Variants in FAT2 observed in about 807,000 individuals in gnomAD.
FAT2 encodes the protein protocadherin Fat 2.
In FAT2, 150 loss-of-function variants were observed where a neutral mutation model predicts 295.3. The ratio of observed to expected loss-of-function variants is 0.51; its 90% CI spans 0.44 to 0.58. The LOEUF is 0.58. Among genes scored for constraint, FAT2 ranks in the 20% least tolerant of loss-of-function variants. The pLI is 0.00. For synonymous variants in FAT2, 2,026 were observed against 2,150.3 expected (o/e 0.94, Z 1.60); for missense variants, 4,868 against 5,442.7 (o/e 0.89, Z 3.32).
intron 21 of FAT2, chr5:151,511,245 G>A (rs1267579057): frequency 6.6e-6 from 1 of 152,180 alleles, no homozygotes; most frequent in Non-Finnish European, 1.5e-5. Context: ...AGAAAAAGGG[G>A]TAATGCGAAG....
At chr5:151,534,196 C>T (rs976465428) in intron 13 of FAT2, among the ~76,000 whole-genome samples, 15 of 152,118 alleles carry the variant, frequency 9.9e-5, no homozygotes, top group African/African-American at 2.7e-4. Context: ...GCTGAAATAC[C>T]TTTTTCCTGC....
intron 1 of FAT2, among the ~76,000 whole-genome samples, chr5:151,586,523 T>C (rs748310330): frequency 6.6e-6 from 1 of 152,168 alleles, no homozygotes; most frequent in African/African-American, 2.4e-5. Flanking sequence ...AGTGGTGGAA[T>C]ATCAGGCACT....
At chr5:151,577,518 A>G (rs932269083) in intron 1 of FAT2, among the ~76,000 whole-genome samples, 12 of 152,192 alleles carry the variant, frequency 7.9e-5, no homozygotes, top group Non-Finnish European at 1.2e-4. Flanking sequence ...GAAAAGCGAT[A>G]TAAAGAAACG....
chr5:151,519,790 G>C (rs1221834814), intron 19 of FAT2, among the ~76,000 whole-genome samples: 7 of 151,952 alleles, frequency 4.6e-5, no homozygotes, highest in Non-Finnish European at 8.8e-5. Context: ...AACTGATTCT[G>C]GTGATCCATG....
chr5:151,551,734 G>T, intron 6 of FAT2, 128 bp from the exon 7 acceptor site: 1 of 867,398 alleles, frequency 1.2e-6, no homozygotes, highest in Non-Finnish European at 1.7e-6. Flanking sequence ...CTGAGTGACA[G>T]GTTGTAGTTT....
Position 151,543,622 on chromosome 5 carries a change from T to C in FAT2, c.7505A>G (p.Asp2502Gly). 1 of 1,614,178 alleles carries C rather than the reference T, an allele frequency of 6.2e-7. No homozygotes were observed. Among genetic ancestry groups the C allele is most frequent in the Non-Finnish European group, 8.5e-7 (1 of 1,180,034 alleles). The change falls in exon 10 of 24, where the codon GAT (aspartate) becomes GGT (glycine). Residue 2502 changes from aspartate (D) to glycine (G), a missense_variant. Transcript: ENST00000261800. ...ACTATCTTTGTCTATGGCTAGCAAA[T>C]CAATCACCTTGGTTCCAACCATTGC... ...ENAMVGTKVI[D>G]LLAIDKDSGP... is the part of the protein sequence containing the mutation.
rs1372143484 is a variant in FAT2, at chr5:151,544,856, G to T, written c.6271C>A (p.Gln2091Lys). 1.2e-6 allele frequency: 2 copies of T among 1,614,210 alleles called. No individual in the cohort carries two copies. The highest frequency in any genetic ancestry group is 1.7e-6 in the Non-Finnish European group (2 of 1,180,036). ...AAGTCCTCATCAGTGGCAGATACCT[G>T]AAAGAGGACATCCCCTGGCTCTGTG... ...DGTEPGDVLF[Q>K]VSATDEDLGT... The change falls in exon 10 of 24, where the codon CAG (glutamine) becomes AAG (lysine). Residue 2091 changes from glutamine to lysine, a missense_variant. Transcript: ENST00000261800.
At chr5:151,547,505 C>A (rs890098220) in intron 9 of FAT2, among the ~76,000 whole-genome samples, 1 of 152,166 alleles carries the variant, frequency 6.6e-6, no homozygotes, top group Non-Finnish European at 1.5e-5. Flanking sequence ...CCCTCTATCA[C>A]GTGAGAGCAT....
At position 151,531,747 on chromosome 5, in the gene FAT2, C is replaced by G. The variant is rs574633599; in HGVS notation, c.9651G>C (p.Val3217=). The G allele has an allele frequency of 7.6e-5, 123 of 1,613,610 alleles. 1 individual carries two copies. The South Asian group carries it at 1.3e-3, about 17-fold the overall frequency. Residue 3217 remains valine, a synonymous_variant, in exon 14 of 24, where the codon GTG becomes GTC. Transcript: ENST00000261800. The surrounding 1 kb of genome is among the most constrained non-coding windows in gnomAD (Gnocchi z 5.7). ...SVVGLEDYLP[V]FLNTEHSVQV... Reference sequence around the variant, plus strand: ...GCACGCTGTGCTCGGTGTTCAGGAACACGGGCAGGTAGTCTTCTAGGCCCA... The same window carrying G: ...GCACGCTGTGCTCGGTGTTCAGGAAGACGGGCAGGTAGTCTTCTAGGCCCA...
rs1183522022 is a variant in FAT2, at chr5:151,512,137, G to A, written c.11905+28C>T. 2 of 1,596,258 alleles carry A rather than the reference G, an allele frequency of 1.3e-6. No homozygotes were observed. Among genetic ancestry groups the A allele is most frequent in the Non-Finnish European group, 1.7e-6 (2 of 1,167,154 alleles). ...TGAAGAGCCTTCTGGGATAAACCCT[G>A]GGTTCAGCCTGGCACCCCAGCCCTC... On this transcript the variant is annotated intron_variant, in intron 21 of 23. Transcript: ENST00000261800. The surrounding 1 kb of genome is among the most constrained non-coding windows in gnomAD (Gnocchi z 4.1).
At chr5:151,592,218 A>G (rs1256398104), upstream of FAT2, among the ~76,000 whole-genome samples, 4 of 152,194 alleles carry the variant, frequency 2.6e-5, 1 homozygote, top group African/African-American at 9.7e-5. Flanking sequence ...AAGGGAGAAG[A>G]GTTAGACAAG....
rs1760691300 is a variant in FAT2, at chr5:151,504,440, AC to A, written c.*1124del. On this transcript the variant is annotated 3_prime_UTR_variant, in exon 24 of 24. Coordinates refer to ENST00000261800, the MANE Select transcript of FAT2 (RefSeq NM_001447.3). ...GTGTACACACGTACTATCCATGGGC[AC>A]CCACATGTGTAGACATGTGCCCACA... 6.6e-6 allele frequency: 1 copy of A among 152,658 alleles called. No individual in the cohort carries two copies. Among genetic ancestry groups the A allele is most frequent in the African/African-American group, 2.4e-5 (1 of 41,454 alleles). The allele number at this position is 152,658 out of a possible 1,614,324, so 9.5% of individuals were successfully genotyped here.
Position 151,531,459 on chromosome 5 carries a change from G to T in FAT2, c.9811+128C>A. 7.8e-7 allele frequency: 1 copy of T among 1,282,946 alleles called. No homozygotes were observed. Among genetic ancestry groups the T allele is most frequent in the Non-Finnish European group, 1.1e-6 (1 of 937,966 alleles). The allele number at this position is 1,282,946 out of a possible 1,614,324, so 79.5% of individuals were successfully genotyped here. ...ACTCGGAGAGAAGCAGAAGAGAATGGAGAAACGACCAGAGGAGGTCTGCTC... is the reference window on the plus strand; with the variant it reads ...ACTCGGAGAGAAGCAGAAGAGAATGTAGAAACGACCAGAGGAGGTCTGCTC... On this transcript the variant is annotated intron_variant, in intron 14 of 23. Coordinates refer to ENST00000261800, the MANE Select transcript of FAT2 (RefSeq NM_001447.3). This position sits in a 1 kb window ranked among gnomAD's most constrained non-coding sequence, Gnocchi z 5.7.
rs368067783 is a variant in FAT2 at position 151,537,876 on chromosome 5, T to C, written c.9110A>G (p.Asp3037Gly). 6.2e-7 allele frequency: 1 copy of C among 1,614,154 alleles called. No individual in the cohort carries two copies. The highest frequency in any genetic ancestry group is 8.5e-7 in the Non-Finnish European group (1 of 1,180,016). Residue 3037 changes from aspartate to glycine, a missense_variant, in exon 12 of 24, where the codon GAC becomes GGC. Transcript: ENST00000261800. ...CTGAGCATTGGTATCAGTGTCCAAG[T>C]CTGTGGCAGAAACCTTCAAAATGAA... The part of the protein sequence containing the change: ...GHFILKVSAT[D>G]LDTDTNAQIT...
At chr5:151,553,126 G>A (rs1190927526) in intron 6 of FAT2, 51 bp downstream of exon 6, 3 of 1,561,344 alleles carry the variant, frequency 1.9e-6, no homozygotes, top group Admixed American at 1.7e-5. Flanking sequence ...TAGAGCTGGT[G>A]TATAAGGATG....
chr5:151,554,051 G>T (rs143256159), intron 5 of FAT2, among the ~76,000 whole-genome samples: 7 of 152,312 alleles, frequency 4.6e-5, no homozygotes, highest in East Asian at 1.9e-4. Context: ...ACATCACACA[G>T]GTGTAAAATG....
intron 23 of FAT2, among the ~76,000 whole-genome samples, chr5:151,506,542 A>AG (rs1275965242): frequency 6.6e-6 from 1 of 152,374 alleles, no homozygotes; most frequent in Admixed American, 6.5e-5. Context: ...TCAGGAGACC[A>AG]GGAGCCCTTG....
chr5:151,532,055 G>T (rs1754686672), intron 13 of FAT2, 85 bp from the exon 14 acceptor site: 7 of 1,530,042 alleles, frequency 4.6e-6, no homozygotes, highest in Admixed American at 1.9e-5. Flanking sequence ...CACAGGAGGG[G>T]CTGGGGAGGG....
chr5:151,527,451 A>G, intron 16 of FAT2, 74 bp from the exon 17 acceptor site: 1 of 1,402,332 alleles, frequency 7.1e-7, no homozygotes, highest in South Asian at 1.5e-5. Context: ...GTCATCACTA[A>G]TATTTTCAAA....
Sources: gnomAD v4.1 joint callset for allele counts (sites outside exome capture counted in the v4.1 genomes callset) on GRCh38, gnomAD v4.1.1 for gene constraint, Gnocchi (gnomAD v3.1) non-coding constraint, MANE v1.5 for transcripts, NCBI Gene and HGNC (gene_info 2026-07-23, HGNC 2026-07-21) for gene names.